The following KCNAB1 variants were observed in gnomAD, a reference collection of about 807,000 sequenced individuals.
KCNAB1 encodes voltage-gated potassium channel subunit beta-1.
KCNAB1 carries 35 observed loss-of-function variants against 64.6 expected under a neutral mutation model. The observed-to-expected ratio is 0.54, with a 90% CI of 0.41 to 0.72. KCNAB1 has a LOEUF of 0.72. KCNAB1 is among the 30% of genes least tolerant of loss of function. KCNAB1 has a pLI of 0.00. For missense variants in KCNAB1, 401 were observed against 512.9 expected (o/e 0.78, Z 2.11); for synonymous variants, 177 against 183.8 (o/e 0.96, Z 0.30).
chr3:156,369,398 A>G (rs943068007), intron 1 of KCNAB1, among the ~76,000 whole-genome samples: 15 of 152,230 alleles, frequency 9.9e-5, no homozygotes, highest in Non-Finnish European at 2.2e-4. Context: ...AGCCATCATG[A>G]ACATTCTTGT....
intron 1 of KCNAB1, among the ~76,000 whole-genome samples, chr3:156,155,379 AAAAT>A (rs551376678): frequency 2.7e-3 from 417 of 152,342 alleles, no homozygotes; most frequent in African/African-American, 9.5e-3. Flanking sequence ...TTAATGAACA[AAAAT>A]AAATAAATAA....
At chr3:156,267,154 C>T (rs773905651) in intron 1 of KCNAB1, among the ~76,000 whole-genome samples, 52 of 152,222 alleles carry the variant, frequency 3.4e-4, no homozygotes, top group South Asian at 1.4e-3. Context: ...TGCAGAGATA[C>T]TTTTTGCCTA....
chr3:156,294,562 C>T (rs1720662675), intron 1 of KCNAB1, among the ~76,000 whole-genome samples: 1 of 152,082 alleles, frequency 6.6e-6, no homozygotes, highest in Admixed American at 6.5e-5. Flanking sequence ...TCCTTTTTTA[C>T]ATTGTTTTAA....
chr3:156,515,187 G>C lies in KCNAB1; in HGVS notation c.832G>C (p.Glu278Gln). Reference sequence around the variant, plus strand: ...CCATCTTTTCCAGAGAGAGAAAGTGGAGGTCCAGCTGCCAGAGCTCTACCA... The same window carrying C: ...CCATCTTTTCCAGAGAGAGAAAGTGCAGGTCCAGCTGCCAGAGCTCTACCA... ...EYHLFQREKVEVQLPELYHKI... is the reference protein window; with the variant it reads ...EYHLFQREKVQVQLPELYHKI... The change falls in exon 10 of 14, where the codon GAG becomes CAG. Residue 278 changes from glutamate (E) to glutamine (Q), a missense_variant. By Grantham distance (29) the Glu-to-Gln change is conservative (BLOSUM62 2). Transcript: ENST00000490337. The C allele has an allele frequency of 6.2e-7, 1 of 1,613,412 alleles. No individual in the cohort carries two copies. Among genetic ancestry groups the C allele is most frequent in the South Asian group, 1.1e-5 (1 of 90,976 alleles).
chr3:156,212,284 T>C (rs1560139012), intron 1 of KCNAB1, among the ~76,000 whole-genome samples: 1 of 152,164 alleles, frequency 6.6e-6, no homozygotes, highest in Non-Finnish European at 1.5e-5. Flanking sequence ...CCCAGGGGTA[T>C]TTTCAGTTTA....
At chr3:156,239,530 G>A (rs1399759633) in intron 1 of KCNAB1, among the ~76,000 whole-genome samples, 1 of 152,050 alleles carries the variant, frequency 6.6e-6, no homozygotes, top group African/African-American at 2.4e-5. Flanking sequence ...ACTACTCTGT[G>A]GTGGTTGCAA....
At chr3:156,307,125 C>T (rs891594809) in intron 1 of KCNAB1, among the ~76,000 whole-genome samples, 1 of 152,146 alleles carries the variant, frequency 6.6e-6, no homozygotes, top group African/African-American at 2.4e-5. Flanking sequence ...AAGATTCTAA[C>T]TTGCTTCGTG....
chr3:156,383,473 C>A (rs1040308014), intron 1 of KCNAB1, among the ~76,000 whole-genome samples: 4 of 152,144 alleles, frequency 2.6e-5, no homozygotes, highest in African/African-American at 4.8e-5. Flanking sequence ...AGGATAAATA[C>A]CCATCCTGAT....
chr3:156,120,077 A>G (rs1030637653), upstream of KCNAB1, among the ~76,000 whole-genome samples: 1 of 152,194 alleles, frequency 6.6e-6, no homozygotes, highest in Non-Finnish European at 1.5e-5. Flanking sequence ...TATAAAATAA[A>G]TTTAAAATGT....
At chr3:156,165,406 T>C (rs534576070) in intron 1 of KCNAB1, among the ~76,000 whole-genome samples, 4 of 151,778 alleles carry the variant, frequency 2.6e-5, no homozygotes, top group Admixed American at 2.6e-4. Context: ...GCCTGTGATA[T>C]TGTGTGTGGT....
intron 1 of KCNAB1, chr3:156,273,576 C>A (rs1395671697): frequency 1.1e-5 from 5 of 456,510 alleles, no homozygotes; most frequent in Admixed American, 2.3e-5. Flanking sequence ...CCATGCCATG[C>A]AGCTGCTGCT....
At chr3:156,428,533 A>ACACACACACACACACACACACACACC (rs59772816) in intron 2 of KCNAB1, among the ~76,000 whole-genome samples, 42 of 143,132 alleles carry the variant, frequency 2.9e-4, no homozygotes, top group African/African-American at 1.0e-3. Flanking sequence ...ACACACACAC[A>ACACACACACACACACACACACACACC]CCCTATTGGT....
intron 1 of KCNAB1, among the ~76,000 whole-genome samples, chr3:156,171,968 G>A (rs1039978848): frequency 2.6e-5 from 4 of 152,204 alleles, no homozygotes; most frequent in African/African-American, 9.7e-5. Flanking sequence ...AGCCAAGGGT[G>A]TTCTTTAATG....
At chr3:156,120,525 G>A (rs970221734), upstream of KCNAB1, 11 of 1,474,294 alleles carry the variant, frequency 7.5e-6, no homozygotes, top group African/African-American at 2.8e-5. Flanking sequence ...GAGTGGGCAG[G>A]GACGAGGGAG....
At chr3:156,505,088 T>G (rs1716745928) in intron 8 of KCNAB1, among the ~76,000 whole-genome samples, 1 of 152,166 alleles carries the variant, frequency 6.6e-6, no homozygotes. Context: ...TTTTTGTACA[T>G]GATGAGAAAT....
intron 1 of KCNAB1, among the ~76,000 whole-genome samples, chr3:156,323,257 T>A (rs1722784297): frequency 6.6e-6 from 1 of 152,196 alleles, no homozygotes. Context: ...GTGGTAGATA[T>A]GAAGGACCAA....
chr3:156,284,834 A>G (rs1254490376), intron 1 of KCNAB1, among the ~76,000 whole-genome samples: 3 of 152,100 alleles, frequency 2.0e-5, no homozygotes, highest in South Asian at 2.1e-4. Flanking sequence ...CTCGCGCACG[A>G]TGCGCGCACC....
intron 1 of KCNAB1, among the ~76,000 whole-genome samples, chr3:156,250,958 G>T (rs931765316): frequency 2.0e-5 from 3 of 151,994 alleles, no homozygotes; most frequent in Non-Finnish European, 2.9e-5. Flanking sequence ...TCTTTTATCT[G>T]CCCAGGATTT....
chr3:156,524,119 T>G, intron 12 of KCNAB1, 172 bp downstream of exon 12: 1 of 630,134 alleles, frequency 1.6e-6, no homozygotes. Flanking sequence ...CCCCAGAATT[T>G]TCTACATGAT....
Sources: allele counts gnomAD v4.1 joint callset (sites outside exome capture counted in the v4.1 genomes callset), GRCh38; gene constraint gnomAD v4.1.1; transcripts MANE v1.5; gene names NCBI Gene and HGNC (gene_info 2026-07-23, HGNC 2026-07-21).